Variants in NRG2 observed in about 807,000 individuals in gnomAD.
The protein encoded by NRG2 is neuregulin 2.
A neutral mutation model predicts 73.9 loss-of-function variants in NRG2; 27 were observed. The observed-to-expected ratio is 0.37, with a 90% CI of 0.27 to 0.50. The LOEUF (loss-of-function observed/expected upper bound fraction) is 0.50. NRG2 is among the 20% of genes least tolerant of loss of function. The probability of loss-of-function intolerance (pLI) is 0.96; values close to 1 mark genes in which losing one functional copy is unlikely to be tolerated. For missense variants in NRG2, 1,126 were observed against 1,210.1 expected, an observed-to-expected ratio of 0.93 and a Z score of 1.03; for synonymous variants, 532 against 541.0, an observed-to-expected ratio of 0.98 and a Z score of 0.23.
At position 139,865,165 on chromosome 5, in the gene NRG2, A is replaced by G. The variant is rs1762402355; in HGVS notation, c.1189+384T>C. 1 of 1,613,622 alleles carries G rather than the reference A, an allele frequency of 6.2e-7. No individual in the cohort carries two copies. The highest frequency in any genetic ancestry group is 1.7e-5 in the Admixed American group (1 of 59,996). On this transcript the variant is annotated intron_variant, in intron 5 of 9. Coordinates refer to ENST00000361474, the MANE Select transcript of NRG2 (RefSeq NM_004883.3). This position sits in a 1 kb window ranked among gnomAD's most constrained non-coding sequence, Gnocchi z 5.2. ...CTGACACCTGTCCCCGGTGTATCCC[A>G]CAGGACACCTACCAAAAGAAAGAAA... is the stretch of plus-strand genomic sequence containing the variant.
chr5:139,931,378 G>C (rs1752457394), intron 1 of NRG2, among the ~76,000 whole-genome samples: 1 of 152,162 alleles, frequency 6.6e-6, no homozygotes, highest in Admixed American at 6.5e-5. Flanking sequence ...AGATCTCTGA[G>C]GGTCCCAATC....
chr5:139,953,902 G>A (rs1171835326), intron 1 of NRG2, among the ~76,000 whole-genome samples: 2 of 152,170 alleles, frequency 1.3e-5, no homozygotes, highest in African/African-American at 4.8e-5. Context: ...GGAGGAAGCA[G>A]TGAAGGGTCC....
At chr5:139,866,771 G>A (rs1254961165) in intron 4 of NRG2, among the ~76,000 whole-genome samples, 1 of 152,138 alleles carries the variant, frequency 6.6e-6, no homozygotes, top group Non-Finnish European at 1.5e-5. Context: ...TACCCACAGG[G>A]TACACGTTCT....
At chr5:139,944,212 G>A (rs1580787884) in intron 1 of NRG2, among the ~76,000 whole-genome samples, 1 of 152,130 alleles carries the variant, frequency 6.6e-6, no homozygotes, top group East Asian at 1.9e-4. Context: ...TTAGATCAGG[G>A]CAATTAGCAT....
Position 139,847,892 on chromosome 5 carries a change from G to C in NRG2, c.*25C>G. On this transcript the variant is annotated 3_prime_UTR_variant, in exon 10 of 10. Coordinates refer to ENST00000361474, the MANE Select transcript of NRG2 (RefSeq NM_004883.3). ...CTCCTTAAAGATAGTGGGGCGGGCG[G>C]GGCGGAGGGGCGCGCGGCGGGGCCC... 2.9e-6 allele frequency: 4 copies of C among 1,398,454 alleles called. No individual in the cohort carries two copies. The highest frequency in any genetic ancestry group is 3.7e-6 in the Non-Finnish European group (4 of 1,081,394). The allele number at this position is 1,398,454 out of a possible 1,614,324, so 86.6% of individuals were successfully genotyped here.
At chr5:139,964,079 C>T (rs1361753569) in intron 1 of NRG2, among the ~76,000 whole-genome samples, 3 of 152,212 alleles carry the variant, frequency 2.0e-5, no homozygotes, top group Non-Finnish European at 4.4e-5. Flanking sequence ...CTTGGACAAG[C>T]CCAGCCATGC....
chr5:139,911,319 C>T (rs1750807757), intron 1 of NRG2, among the ~76,000 whole-genome samples: 1 of 152,056 alleles, frequency 6.6e-6, no homozygotes, highest in Non-Finnish European at 1.5e-5. Context: ...TTGAGAGATC[C>T]TCACACCTGA....
intron 1 of NRG2, among the ~76,000 whole-genome samples, chr5:139,967,800 A>G (rs976109111): frequency 1.3e-5 from 2 of 151,894 alleles, no homozygotes; most frequent in African/African-American, 4.8e-5. Flanking sequence ...CTCTATTGAA[A>G]ATACAAAAAT....
At chr5:139,912,518 T>C (rs766869964) in intron 1 of NRG2, among the ~76,000 whole-genome samples, 1 of 152,114 alleles carries the variant, frequency 6.6e-6, no homozygotes, top group Non-Finnish European at 1.5e-5. Flanking sequence ...ATGGCAGGTC[T>C]CAGGGACCCT....
At chr5:139,881,531 T>C (rs1763526367) in intron 2 of NRG2, among the ~76,000 whole-genome samples, 1 of 152,236 alleles carries the variant, frequency 6.6e-6, no homozygotes, top group South Asian at 2.1e-4. Flanking sequence ...CAAGGGGTTT[T>C]TGTTTCATTC....
chr5:139,995,995 G>T (rs1454149828), intron 1 of NRG2, among the ~76,000 whole-genome samples: 1 of 152,078 alleles, frequency 6.6e-6, no homozygotes, highest in Non-Finnish European at 1.5e-5. Flanking sequence ...CAGCCTGGGT[G>T]ACAGAGAAAG....
At position 139,983,953 on chromosome 5, in the gene NRG2, C is replaced by T. The variant is rs540597842; in HGVS notation, c.700+58417G>A. On this transcript the variant is annotated intron_variant, in intron 1 of 9. Coordinates refer to ENST00000361474, the MANE Select transcript of NRG2 (RefSeq NM_004883.3). The stretch of plus-strand genomic sequence containing the variant: ...ATAGACACTAATTCAACTGCACTAC[C>T]CTGCGCCAGGATCATAGAAACATTC... Among the ~76,000 whole-genome samples the T allele has an allele frequency of 5.6e-4, 85 of 152,234 alleles. 1 individual carries two copies. In the South Asian group the frequency reaches 0.017, roughly 31 times the overall value.
At chr5:139,962,568 A>G (rs796701302) in intron 1 of NRG2, among the ~76,000 whole-genome samples, 33 of 152,274 alleles carry the variant, frequency 2.2e-4, no homozygotes, top group African/African-American at 7.0e-4. Flanking sequence ...TCCTGTGCTC[A>G]GGGTAGGAGT....
At chr5:139,873,917 G>C (rs576873787) in intron 3 of NRG2, among the ~76,000 whole-genome samples, 1 of 152,346 alleles carries the variant, frequency 6.6e-6, no homozygotes, top group Admixed American at 6.5e-5. Flanking sequence ...CGAATGCATT[G>C]AGCCTGCGCT....
At chr5:139,944,572 C>A (rs1014890045) in intron 1 of NRG2, among the ~76,000 whole-genome samples, 2 of 152,158 alleles carry the variant, frequency 1.3e-5, no homozygotes, top group African/African-American at 4.8e-5. Context: ...ATTCATGTTG[C>A]CATGAATGAC....
rs933769137 is a variant in NRG2, at chr5:139,848,469, GCCGGGC to G, written c.1995_2000del (p.Pro666_Gly667del). The G allele has an allele frequency of 2.3e-5, 31 of 1,336,726 alleles. No homozygotes were observed. The highest frequency in any genetic ancestry group is 6.0e-5 in the South Asian group (3 of 50,390). The allele number at this position is 1,336,726 out of a possible 1,614,324, so 82.8% of individuals were successfully genotyped here. ...TGTCATAGCTGCGCTGCATGTCTGC[GCCGGGC>G]CCGGGCCCGGGCCCGGGTCCGGGTC... is the stretch of plus-strand genomic sequence containing the variant. On this transcript the variant is annotated inframe_deletion, in exon 10 of 10. Coordinates refer to ENST00000361474, the MANE Select transcript of NRG2 (RefSeq NM_004883.3).
At chr5:139,880,303 G>A (rs1763442926) in intron 3 of NRG2, among the ~76,000 whole-genome samples, 1 of 152,148 alleles carries the variant, frequency 6.6e-6, no homozygotes, top group Non-Finnish European at 1.5e-5. Context: ...AGACGAGAAG[G>A]TAAGAGGTGC....
intron 9 of NRG2, among the ~76,000 whole-genome samples, chr5:139,849,231 C>G (rs1761246981): frequency 6.6e-6 from 1 of 152,176 alleles, no homozygotes; most frequent in Non-Finnish European, 1.5e-5. Flanking sequence ...AGTGGCAGAG[C>G]TGGGATGTGA....
In NRG2 at chr5:139,865,398, C is replaced by A; in HGVS notation, c.1189+151G>T. 1.3e-6 allele frequency: 1 copy of A among 743,636 alleles called. No homozygotes were observed. Among genetic ancestry groups the A allele is most frequent in the Non-Finnish European group, 2.3e-6 (1 of 436,412 alleles). The allele number at this position is 743,636 out of a possible 1,614,324, so 46.1% of individuals were successfully genotyped here. ...AACAAAACAAAACAAAAAGAACTAA[C>A]AAACCAAAATACAAAAAAGAAAAGA... On this transcript the variant is annotated intron_variant, in intron 5 of 9. Coordinates refer to ENST00000361474, the MANE Select transcript of NRG2 (RefSeq NM_004883.3). The surrounding 1 kb of genome is among the most constrained non-coding windows in gnomAD (Gnocchi z 5.2).
Sources: gnomAD v4.1 joint callset for allele counts (sites outside exome capture counted in the v4.1 genomes callset) on GRCh38, gnomAD v4.1.1 for gene constraint, Gnocchi (gnomAD v3.1) non-coding constraint, MANE v1.5 for transcripts, NCBI Gene and HGNC (gene_info 2026-07-23, HGNC 2026-07-21) for gene names.